The following PROCR variants were observed in gnomAD, a reference collection of about 807,000 sequenced individuals.
The protein encoded by PROCR is protein C receptor.
A neutral mutation model predicts 24.2 loss-of-function variants in PROCR; 22 were observed. The observed-to-expected ratio is 0.91, with a 90% confidence interval of 0.65 to 1.30. PROCR has a LOEUF of 1.30. Ranked by LOEUF, PROCR falls within the 50% of genes most tolerant of loss-of-function variation. PROCR has a pLI of 0.00. For missense variants in PROCR, 288 were observed against 307.7 expected, an observed-to-expected ratio of 0.94 and a Z score of 0.48; for synonymous variants, 137 against 139.2, an observed-to-expected ratio of 0.98 and a Z score of 0.11.
intron 1 of PROCR, chr20:35,202,143 G>A (rs951312082): frequency 6.6e-6 from 1 of 152,118 alleles, no homozygotes; most frequent in Admixed American, 6.5e-5. Context: ...CATATACCCA[G>A]ATAGATCATA....
chr20:35,208,207 CTG>C (rs1351104884), intron 1 of PROCR, among the ~76,000 whole-genome samples: 2 of 152,344 alleles, frequency 1.3e-5, no homozygotes, highest in Admixed American at 1.3e-4. Flanking sequence ...CAAGGACATC[CTG>C]TGCTGACTTC....
downstream of PROCR, among the ~76,000 whole-genome samples, chr20:35,178,609 G>A (rs1187803076): frequency 2.1e-5 from 2 of 94,722 alleles, no homozygotes; most frequent in African/African-American, 8.8e-5. Context: ...TCCGCCTCCC[G>A]GGTTCACGCC....
intron 1 of PROCR, among the ~76,000 whole-genome samples, chr20:35,196,495 A>G (rs2086217890): frequency 6.6e-6 from 1 of 152,150 alleles, no homozygotes; most frequent in South Asian, 2.1e-4. Context: ...CACATGTTAC[A>G]TATGGGGGAA....
rs147054449 is a variant in PROCR at position 35,213,850 on chromosome 20, G to A, written c.95-2043G>A. ...GCACTTTTGGGAGGCCAAGGCAGGC[G>A]GATCACATGAGGCCAGGAGTTCGAG... On this transcript the variant is annotated intron_variant, in intron 1 of 1. Transcript: ENST00000634509. Among the ~76,000 whole-genome samples, 265 of 152,204 alleles carry A rather than the reference G, an allele frequency of 1.7e-3. 1 individual carries two copies. Among genetic ancestry groups the A allele is most frequent in the Middle Eastern group, 3.4e-3 (1 of 294 alleles).
chr20:35,171,969 G>A (rs2085954594), upstream of PROCR: 4 of 657,816 alleles, frequency 6.1e-6, no homozygotes, highest in Non-Finnish European at 1.1e-5. Flanking sequence ...AGTAGGAAAT[G>A]AGACACAGTA....
chr20:35,171,909 G>A (rs557821151), upstream of PROCR, among the ~76,000 whole-genome samples: 1 of 152,226 alleles, frequency 6.6e-6, no homozygotes, highest in South Asian at 2.1e-4. Flanking sequence ...GGGCAGGAGG[G>A]AGCAATGAAG....
At chr20:35,183,674 A>T (rs1483146730) in intron 1 of PROCR, among the ~76,000 whole-genome samples, 1 of 152,230 alleles carries the variant, frequency 6.6e-6, no homozygotes, top group Non-Finnish European at 1.5e-5. Flanking sequence ...TCCTCTACTA[A>T]AACTGCAGGA....
At chr20:35,181,563 G>A (rs1387247069), downstream of PROCR, among the ~76,000 whole-genome samples, 1 of 152,198 alleles carries the variant, frequency 6.6e-6, no homozygotes, top group Non-Finnish European at 1.5e-5. Flanking sequence ...GTGAGCCACT[G>A]TGCCCGGCCC....
At chr20:35,174,666 C>T (rs532004339) in intron 1 of PROCR, 36 bp from the exon 2 acceptor site, 1 of 1,613,016 alleles carries the variant, frequency 6.2e-7, no homozygotes, top group African/African-American at 1.3e-5. Flanking sequence ...CGCCCCCTCC[C>T]ACGCCGGCCC....
chr20:35,203,823 C>T (rs1443459971), intron 1 of PROCR, among the ~76,000 whole-genome samples: 1 of 151,658 alleles, frequency 6.6e-6, no homozygotes, highest in Non-Finnish European at 1.5e-5. Context: ...CTTTACATGC[C>T]TATGATAGAA....
downstream of PROCR, among the ~76,000 whole-genome samples, chr20:35,179,783 A>T (rs1472528148): frequency 6.6e-6 from 1 of 152,186 alleles, no homozygotes; most frequent in Non-Finnish European, 1.5e-5. Context: ...GAGAGAACTC[A>T]GTGTTAACCT....
chr20:35,195,708 C>T (rs991363418), intron 1 of PROCR, among the ~76,000 whole-genome samples: 4 of 151,060 alleles, frequency 2.6e-5, no homozygotes, highest in Admixed American at 6.6e-5. Context: ...ATAATCCCAG[C>T]TACTCGGGAG....
chr20:35,213,113 T>C (rs2060368223), intron 1 of PROCR, among the ~76,000 whole-genome samples: 1 of 152,148 alleles, frequency 6.6e-6, no homozygotes, highest in Non-Finnish European at 1.5e-5. Context: ...GATGGATCAC[T>C]TGAGGCCAAG....
intron 1 of PROCR, among the ~76,000 whole-genome samples, chr20:35,194,952 C>A (rs1385656555): frequency 2.0e-5 from 3 of 152,042 alleles, no homozygotes. Context: ...ATACAAAGAA[C>A]CAAGAAACTG....
downstream of PROCR, among the ~76,000 whole-genome samples, chr20:35,178,507 G>GTTTTGTTTTTTTTTTTTTT (rs1272557859): frequency 3.9e-3 from 135 of 34,376 alleles, 51 homozygotes; most frequent in African/African-American, 8.8e-3. Context: ...TCAAGTCTCA[G>GTTTTGTTTTTTTTTTTTTT]TTTTTTTTTT....
rs2085977343 is a variant in PROCR, at chr20:35,173,860, G to A, written c.71-842G>A. 2.0e-5 allele frequency among the ~76,000 whole-genome samples: 3 copies of A among 152,170 alleles called. No homozygotes were observed. In the South Asian group the frequency reaches 6.2e-4, roughly 31 times the overall value. ...TCCCAACTAGTTTGATATATAAGCA[G>A]CGGGAAGCGGCCAGAAAAGGCAGCA... On this transcript the variant is annotated intron_variant, in intron 1 of 3. Transcript: ENST00000216968.
At chr20:35,215,950 C>G (rs754287015) in exon 2 of PROCR, 1 of 911,374 alleles carries the variant, frequency 1.1e-6, no homozygotes, top group Admixed American at 6.2e-5. Context: ...GTAATCCCAG[C>G]ACTTTGGGAG....
At chr20:35,173,365 T>A (rs2085968799) in intron 1 of PROCR, among the ~76,000 whole-genome samples, 1 of 151,802 alleles carries the variant, frequency 6.6e-6, no homozygotes. Flanking sequence ...CAGAAAAAAA[T>A]TTCCAAGAAG....
At chr20:35,175,830 C>A (rs1223047575) in intron 2 of PROCR, among the ~76,000 whole-genome samples, 1 of 151,796 alleles carries the variant, frequency 6.6e-6, no homozygotes, top group African/African-American at 2.4e-5. Flanking sequence ...AGGCGATCCA[C>A]AAGCCTGGCC....
Sources: gnomAD v4.1 joint callset for allele counts (sites outside exome capture counted in the v4.1 genomes callset) on GRCh38, gnomAD v4.1.1 for gene constraint, MANE v1.5 for transcripts, NCBI Gene and HGNC (gene_info 2026-07-23, HGNC 2026-07-21) for gene names.